Variants in RALYL observed in about 807,000 individuals in gnomAD.
The protein encoded by RALYL is RNA-binding Raly-like protein.
A neutral mutation model predicts 35.1 loss-of-function variants in RALYL; 29 were observed. The ratio of observed to expected loss-of-function variants is 0.83; its 90% CI spans 0.61 to 1.13. The LOEUF is 1.13. RALYL is among the 50% of genes most tolerant of loss of function. The pLI is 0.00. For synonymous variants in RALYL, 120 were observed against 127.6 expected (o/e 0.94, Z 0.40); for missense variants, 359 against 360.4 (o/e 1.00, Z 0.03).
At chr8:84,787,562 A>G (rs959467977) in intron 3 of RALYL, among the ~76,000 whole-genome samples, 2 of 152,146 alleles carry the variant, frequency 1.3e-5, no homozygotes, top group African/African-American at 4.8e-5. Flanking sequence ...GAGTCAAATG[A>G]TATTTCTGGT....
chr8:84,319,375 ATTTTGTCCTTGG>A (rs1477542716), intron 1 of RALYL, among the ~76,000 whole-genome samples: 3 of 152,106 alleles, frequency 2.0e-5, no homozygotes, highest in East Asian at 3.9e-4. Context: ...GGGTCCTTGG[ATTTTGTCCTTGG>A]TTTGAAAGTA....
intron 1 of RALYL, among the ~76,000 whole-genome samples, chr8:84,412,555 A>G (rs1346835979): frequency 1.3e-5 from 2 of 151,890 alleles, no homozygotes; most frequent in Non-Finnish European, 2.9e-5. Flanking sequence ...ACATTGTAAG[A>G]TGATACTACT....
At chr8:84,251,775 C>T (rs765088857) in intron 1 of RALYL, among the ~76,000 whole-genome samples, 4 of 151,652 alleles carry the variant, frequency 2.6e-5, no homozygotes, top group South Asian at 2.1e-4. Context: ...TGTTTTGATT[C>T]GTGCCTTTTG....
chr8:84,239,841 G>T (rs761098045), intron 1 of RALYL, among the ~76,000 whole-genome samples: 28 of 152,076 alleles, frequency 1.8e-4, no homozygotes, highest in Non-Finnish European at 3.4e-4. Context: ...CTGTGAAGCC[G>T]AGATCGCGCC....
chr8:84,498,922 A>G (rs534700609), intron 1 of RALYL, among the ~76,000 whole-genome samples: 56 of 152,250 alleles, frequency 3.7e-4, no homozygotes, highest in African/African-American at 1.3e-3. Context: ...ACCTAGTTAC[A>G]ATTAGTTAAC....
chr8:84,241,271 C>G (rs890265149), intron 1 of RALYL, among the ~76,000 whole-genome samples: 6 of 152,062 alleles, frequency 3.9e-5, no homozygotes, highest in Admixed American at 6.6e-5. Flanking sequence ...TTTTCTTTCT[C>G]TATATAGTCT....
Position 84,466,214 on chromosome 8 carries a change from T to C in RALYL, c.-23-63085T>C, listed in dbSNP as rs1396587234. Among the ~76,000 whole-genome samples the C allele has an allele frequency of 2.9e-5, 4 of 139,538 alleles. No homozygotes were observed. The East Asian group carries it at 8.5e-4, about 30-fold the overall frequency. The allele number at this position is 139,538 out of a possible 152,430, so 91.5% of individuals were successfully genotyped here. Reference sequence around the variant, plus strand: ...AGTGGTGAGAGAGGGCATCCCTGTCTTGTGCCAGTTTTCAAAGGGAATGCT... The same window carrying C: ...AGTGGTGAGAGAGGGCATCCCTGTCCTGTGCCAGTTTTCAAAGGGAATGCT... On this transcript the variant is annotated intron_variant, in intron 1 of 8. Coordinates refer to ENST00000521268, the MANE Select transcript of RALYL (RefSeq NM_173848.7).
chr8:84,762,166 A>G (rs552632753), intron 2 of RALYL, among the ~76,000 whole-genome samples: 102 of 152,268 alleles, frequency 6.7e-4, no homozygotes, highest in Middle Eastern at 3.4e-3. Context: ...ATGCAGTGGG[A>G]TAGAAAGAGG....
chr8:84,701,350 TA>T (rs1840158916), intron 2 of RALYL, among the ~76,000 whole-genome samples: 1 of 152,154 alleles, frequency 6.6e-6, no homozygotes, highest in African/African-American at 2.4e-5. Context: ...CGGACATCTG[TA>T]AATGAAGAAT....
chr8:84,508,262 A>G (rs2134356516), intron 1 of RALYL, among the ~76,000 whole-genome samples: 1 of 152,260 alleles, frequency 6.6e-6, no homozygotes, highest in South Asian at 2.1e-4. Context: ...CAAGTGCTTG[A>G]GACTATCCTT....
At chr8:84,436,543 GTTTTTTT>G (rs150233257) in intron 1 of RALYL, among the ~76,000 whole-genome samples, 12 of 62,406 alleles carry the variant, frequency 1.9e-4, no homozygotes, top group African/African-American at 2.4e-4. Flanking sequence ...AATCATGGGA[GTTTTTTT>G]TTTTTTTTTT....
At chr8:84,472,444 T>A (rs1375331203) in intron 1 of RALYL, among the ~76,000 whole-genome samples, 1 of 152,230 alleles carries the variant, frequency 6.6e-6, no homozygotes, top group East Asian at 1.9e-4. Context: ...TGATAGGATT[T>A]GGACACGCAA....
chr8:84,625,225 C>G (rs1822466197), intron 2 of RALYL, among the ~76,000 whole-genome samples: 1 of 152,082 alleles, frequency 6.6e-6, no homozygotes, highest in African/African-American at 2.4e-5. Context: ...CCCTAATGAC[C>G]TGGGGCTAAT....
chr8:84,681,639 C>G (rs1835522501), intron 2 of RALYL, among the ~76,000 whole-genome samples: 1 of 151,590 alleles, frequency 6.6e-6, no homozygotes, highest in Admixed American at 6.6e-5. Context: ...ATTTGACTCT[C>G]TGTCTGTTAT....
Position 84,238,259 on chromosome 8 carries a change from C to A in RALYL, c.-24+53835C>A, listed in dbSNP as rs532514661. Among the ~76,000 whole-genome samples, 12 of 152,008 alleles carry A rather than the reference C, an allele frequency of 7.9e-5. No individual in the cohort carries two copies. The East Asian group carries it at 1.4e-3, about 17-fold the overall frequency. ...ATTGGGAAATATTTATAAAATATTT[C>A]TTTGATGATGTCCAGAAATTGATCG... On this transcript the variant is annotated intron_variant, in intron 1 of 8. Transcript: ENST00000521268.
chr8:84,495,617 A>G (rs1486914275), intron 1 of RALYL, among the ~76,000 whole-genome samples: 1 of 152,122 alleles, frequency 6.6e-6, no homozygotes, highest in Non-Finnish European at 1.5e-5. Context: ...CATACAAGGT[A>G]TGTGATATTT....
chr8:84,299,495 G>A lies in RALYL; in HGVS notation c.-24+115071G>A, dbSNP rs1256227068. Among the ~76,000 whole-genome samples, 2 of 151,914 alleles carry A rather than the reference G, an allele frequency of 1.3e-5. 1 individual carries two copies. The highest frequency in any genetic ancestry group is 4.8e-5 in the African/African-American group (2 of 41,408). On this transcript the variant is annotated intron_variant, in intron 1 of 8. Transcript: ENST00000521268. ...TACTGGCCTCATAGAATGAGTTAAG[G>A]AGGAGTCCCTTCTCTTCAATTTTTT...
At chr8:84,778,048 T>G (rs535296590) in intron 3 of RALYL, among the ~76,000 whole-genome samples, 253 of 152,300 alleles carry the variant, frequency 1.7e-3, no homozygotes, top group Middle Eastern at 3.4e-3. Flanking sequence ...TACTATGGTC[T>G]AGGGACTGTA....
intron 8 of RALYL, among the ~76,000 whole-genome samples, chr8:84,903,319 A>C (rs1039068414): frequency 6.6e-6 from 1 of 152,158 alleles, no homozygotes; most frequent in Non-Finnish European, 1.5e-5. Context: ...GTTGATACAT[A>C]ATTATCTTAT....
Sources: gnomAD v4.1 joint callset for allele counts (sites outside exome capture counted in the v4.1 genomes callset) on GRCh38, gnomAD v4.1.1 for gene constraint, MANE v1.5 for transcripts, NCBI Gene and HGNC (gene_info 2026-07-23, HGNC 2026-07-21) for gene names.